The following ACBD6 variants were observed in gnomAD, a reference collection of about 807,000 sequenced individuals.
The protein encoded by ACBD6 is acyl-CoA binding domain containing 6.
ACBD6 carries 28 observed loss-of-function variants against 37.2 expected under a neutral mutation model. That is an observed-to-expected ratio of 0.75 (90% confidence interval 0.56 to 1.03). ACBD6 has a LOEUF of 1.03. ACBD6 is among the 50% of genes least tolerant of loss of function. The pLI, the probability that ACBD6 is intolerant of heterozygous loss-of-function variation, is 0.00. For synonymous variants in ACBD6, 113 were observed against 126.8 expected (o/e 0.89, Z 0.73); for missense variants, 340 against 337.4 (o/e 1.01, Z -0.06).
intron 6 of ACBD6, among the ~76,000 whole-genome samples, chr1:180,344,619 C>A (rs976190748): frequency 1.3e-5 from 2 of 152,144 alleles, no homozygotes; most frequent in African/African-American, 2.4e-5. Context: ...TGACCGAATA[C>A]CCATTGTGTG....
intron 1 of ACBD6, among the ~76,000 whole-genome samples, chr1:180,498,533 G>A (rs1218445130): frequency 6.6e-6 from 1 of 152,192 alleles, no homozygotes; most frequent in African/African-American, 2.4e-5. Flanking sequence ...CACACAAAAT[G>A]TAAGACTTGA....
At chr1:180,436,008 G>A (rs944146793) in intron 3 of ACBD6, 2 of 826,514 alleles carry the variant, frequency 2.4e-6, no homozygotes, top group Admixed American at 2.0e-5. Flanking sequence ...AGAATTTACT[G>A]TATCGTTTAA....
chr1:180,411,595 G>T (rs1479234064), intron 5 of ACBD6, among the ~76,000 whole-genome samples: 1 of 152,144 alleles, frequency 6.6e-6, no homozygotes, highest in East Asian at 1.9e-4. Flanking sequence ...TTAAATTAAG[G>T]TATGTACTTT....
intron 4 of ACBD6, among the ~76,000 whole-genome samples, chr1:180,428,268 T>C (rs1648674515): frequency 1.3e-5 from 2 of 152,254 alleles, no homozygotes; most frequent in South Asian, 4.1e-4. Context: ...AATTAATATT[T>C]ATTAAACATA....
intron 8 of ACBD6, among the ~76,000 whole-genome samples, chr1:180,281,862 G>A (rs367587435): frequency 1.3e-5 from 2 of 152,154 alleles, no homozygotes; most frequent in Non-Finnish European, 2.9e-5. Flanking sequence ...TAAACCATCC[G>A]AAACTATTAA....
chr1:180,301,259 T>C (rs2794970), intron 7 of ACBD6, among the ~76,000 whole-genome samples: 6,893 of 152,198 alleles, frequency 0.045, 225 homozygotes, highest in Non-Finnish European at 0.059. Flanking sequence ...CAGTTGAGTC[T>C]TGAACAACAT....
At chr1:180,440,735 C>T (rs1035011924) in intron 3 of ACBD6, among the ~76,000 whole-genome samples, 8 of 151,954 alleles carry the variant, frequency 5.3e-5, no homozygotes, top group African/African-American at 1.9e-4. Context: ...ACCTTGGCAA[C>T]ACCAATCTGC....
At chr1:180,405,409 T>C (rs1422162186) in intron 5 of ACBD6, among the ~76,000 whole-genome samples, 2 of 152,142 alleles carry the variant, frequency 1.3e-5, no homozygotes, top group Non-Finnish European at 2.9e-5. Context: ...ACAATTATAC[T>C]GTCAAAAGGA....
intron 3 of ACBD6, among the ~76,000 whole-genome samples, chr1:180,431,719 C>T (rs538140407): frequency 2.6e-5 from 4 of 151,608 alleles, no homozygotes; most frequent in African/African-American, 4.8e-5. Context: ...ACTTGGCGCT[C>T]GAGATGATAA....
At chr1:180,329,776 GCA>G (rs1214677224) in intron 6 of ACBD6, among the ~76,000 whole-genome samples, 1 of 152,082 alleles carries the variant, frequency 6.6e-6, no homozygotes, top group Non-Finnish European at 1.5e-5. Flanking sequence ...TGTAGCCCGT[GCA>G]CACTTCGCCT....
In ACBD6 at chr1:180,456,396, C is replaced by A. The variant is rs1199534011; in HGVS notation, c.385-26134G>T. 3.9e-5 allele frequency among the ~76,000 whole-genome samples: 6 copies of A among 152,072 alleles called. No individual in the cohort carries two copies. The East Asian group carries it at 1.2e-3, about 29-fold the overall frequency. ...AGACAGCAATTGTATGTGACAGTAG[C>A]AATTACATGCAAGGTTGGAGATTAG... On this transcript the variant is annotated intron_variant, in intron 3 of 7. Coordinates refer to ENST00000367595, the MANE Select transcript of ACBD6 (RefSeq NM_032360.4).
At chr1:180,354,189 T>C (rs939579863) in intron 6 of ACBD6, among the ~76,000 whole-genome samples, 3 of 152,234 alleles carry the variant, frequency 2.0e-5, no homozygotes, top group African/African-American at 7.2e-5. Flanking sequence ...GAGTCATTGA[T>C]TGGATTAACA....
At chr1:180,344,138 T>A (rs1184538423) in intron 6 of ACBD6, among the ~76,000 whole-genome samples, 2 of 152,042 alleles carry the variant, frequency 1.3e-5, no homozygotes, top group African/African-American at 4.8e-5. Flanking sequence ...AAAAAGAGAC[T>A]GAACAGTTAA....
chr1:180,492,574 A>G (rs562261181), intron 2 of ACBD6, among the ~76,000 whole-genome samples: 1 of 152,038 alleles, frequency 6.6e-6, no homozygotes, highest in Non-Finnish European at 1.5e-5. Flanking sequence ...CTTTTCAGAC[A>G]TTTTTTTTCC....
At chr1:180,465,839 A>G (rs1311321334) in intron 3 of ACBD6, among the ~76,000 whole-genome samples, 2 of 152,206 alleles carry the variant, frequency 1.3e-5, no homozygotes, top group Admixed American at 1.3e-4. Context: ...CATTAAAAAG[A>G]ATGAGATGCC....
chr1:180,314,529 G>A (rs186945298), intron 7 of ACBD6, among the ~76,000 whole-genome samples, 163 bp downstream of exon 7: 2 of 152,302 alleles, frequency 1.3e-5, no homozygotes, highest in African/African-American at 2.4e-5. Context: ...ACAGGTGTGA[G>A]CCCTCACGCC....
At chr1:180,293,981 G>A (rs376050459) in intron 7 of ACBD6, among the ~76,000 whole-genome samples, 4 of 151,920 alleles carry the variant, frequency 2.6e-5, no homozygotes, top group African/African-American at 7.2e-5. Context: ...TGAAATCTCC[G>A]CCTCCCGGGT....
At chr1:180,328,885 G>A (rs1349169594) in intron 6 of ACBD6, among the ~76,000 whole-genome samples, 2 of 151,754 alleles carry the variant, frequency 1.3e-5, no homozygotes, top group African/African-American at 4.8e-5. Flanking sequence ...GCAGGTTCTA[G>A]GTATTTTCCT....
chr1:180,498,173 C>A (rs530711437), intron 1 of ACBD6, among the ~76,000 whole-genome samples: 1 of 152,298 alleles, frequency 6.6e-6, no homozygotes, highest in South Asian at 2.1e-4. Context: ...CACCACTTAT[C>A]TCATCAAAAA....
Sources: allele counts gnomAD v4.1 joint callset (sites outside exome capture counted in the v4.1 genomes callset), GRCh38; gene constraint gnomAD v4.1.1; transcripts MANE v1.5; gene names NCBI Gene and HGNC (gene_info 2026-07-23, HGNC 2026-07-21).